Variants in TNFAIP8 observed in about 807,000 individuals in gnomAD.
TNFAIP8 encodes the protein tumor necrosis factor alpha-induced protein 8.
In TNFAIP8, 7 loss-of-function variants were observed where a neutral mutation model predicts 13.3. That is an observed-to-expected ratio of 0.52 (90% CI 0.30 to 0.99). TNFAIP8 has a LOEUF of 0.99. Among genes scored for constraint, TNFAIP8 ranks in the 50% least tolerant of loss-of-function variants. The pLI, the probability that TNFAIP8 is intolerant of heterozygous loss-of-function variation, is 0.07. For synonymous variants in TNFAIP8, 94 were observed against 87.6 expected (o/e 1.07, Z -0.41); for missense variants, 258 against 236.9 (o/e 1.09, Z -0.58).
At chr5:119,379,398 A>G (rs1166029699) in intron 1 of TNFAIP8, among the ~76,000 whole-genome samples, 2 of 152,220 alleles carry the variant, frequency 1.3e-5, no homozygotes, top group African/African-American at 4.8e-5. Context: ...AAAGCAGGTT[A>G]GGAGAGATTT....
Position 119,374,640 on chromosome 5 carries a change from G to C in TNFAIP8, c.32-18176G>C, listed in dbSNP as rs114033590. Reference sequence around the variant, plus strand: ...CTCTTTGCATCTTATACTCAAGGCTGTCTGCAAAGTGATTCAGAATGGTTT... The same window carrying C: ...CTCTTTGCATCTTATACTCAAGGCTCTCTGCAAAGTGATTCAGAATGGTTT... On this transcript the variant is annotated intron_variant, in intron 1 of 1. Transcript: ENST00000504771. Among the ~76,000 whole-genome samples the C allele has an allele frequency of 6.8e-3, 1,042 of 152,314 alleles. 16 individuals are homozygous for C. The highest frequency in any genetic ancestry group is 0.024 in the African/African-American group (984 of 41,558).
chr5:119,301,321 C>T (rs1467538005), intron 1 of TNFAIP8, among the ~76,000 whole-genome samples: 1 of 152,206 alleles, frequency 6.6e-6, no homozygotes, highest in Non-Finnish European at 1.5e-5. Flanking sequence ...TCTTACCCCT[C>T]TGTCAGTTGG....
chr5:119,304,351 G>C (rs960890050), intron 1 of TNFAIP8, among the ~76,000 whole-genome samples: 3 of 152,080 alleles, frequency 2.0e-5, no homozygotes, highest in African/African-American at 4.8e-5. Context: ...CATATTAAAG[G>C]CCTCTTTATC....
chr5:119,332,044 A>G (rs1750397473), intron 1 of TNFAIP8, among the ~76,000 whole-genome samples: 1 of 152,214 alleles, frequency 6.6e-6, no homozygotes. Flanking sequence ...AACACAAAAG[A>G]ACACAAAAAT....
At chr5:119,360,798 A>T (rs1751604715) in intron 1 of TNFAIP8, among the ~76,000 whole-genome samples, 1 of 152,200 alleles carries the variant, frequency 6.6e-6, no homozygotes, top group Non-Finnish European at 1.5e-5. Flanking sequence ...GGATTTATAA[A>T]ACGCAGATGA....
chr5:119,314,579 A>T (rs1486691444), intron 1 of TNFAIP8, among the ~76,000 whole-genome samples: 1 of 152,208 alleles, frequency 6.6e-6, no homozygotes, highest in African/African-American at 2.4e-5. Flanking sequence ...TAAGAACTTG[A>T]AACACTCACA....
intron 1 of TNFAIP8, among the ~76,000 whole-genome samples, chr5:119,360,403 G>T (rs1751586926): frequency 6.6e-6 from 1 of 152,206 alleles, no homozygotes; most frequent in Non-Finnish European, 1.5e-5. Flanking sequence ...TTCATTTAGA[G>T]AAGATTGTTC....
At position 119,341,443 on chromosome 5, in the gene TNFAIP8, A is replaced by G. The variant is rs895919938; in HGVS notation, c.2-51373A>G. Among the ~76,000 whole-genome samples the G allele has an allele frequency of 7.2e-5, 11 of 152,206 alleles. 1 individual carries two copies. The highest frequency in any genetic ancestry group is 2.6e-4 in the Admixed American group (4 of 15,284). On this transcript the variant is annotated intron_variant, in intron 1 of 1. Transcript: ENST00000274456. ...AACAAACAAAGAAACAAAAAACTAC[A>G]TGAGGTGGGTTCGGTCCCAAGGCTA...
At chr5:119,343,483 A>G (rs1750806905) in intron 1 of TNFAIP8, among the ~76,000 whole-genome samples, 1 of 152,168 alleles carries the variant, frequency 6.6e-6, no homozygotes, top group Admixed American at 6.5e-5. Flanking sequence ...GTTTCTTGTA[A>G]GGTACTTTTT....
intron 1 of TNFAIP8, among the ~76,000 whole-genome samples, chr5:119,280,401 AT>A (rs57981064): frequency 0.32 from 47,666 of 149,022 alleles, 9,332 homozygotes; most frequent in African/African-American, 0.57. Flanking sequence ...CTTCCTTTAA[AT>A]TTTTTTTTTT....
In TNFAIP8 at chr5:119,398,401, C is replaced by G. The variant is rs1753121746; in HGVS notation, c.*5020C>G. On this transcript the variant is annotated 3_prime_UTR_variant, in exon 2 of 2. Coordinates refer to ENST00000504771, the MANE Select transcript of TNFAIP8 (RefSeq NM_014350.4). Reference sequence around the variant, plus strand: ...AATTCATTCGTTTAAAACTGCCAGGCTGAGTGCGGTGGCTCATGCCTGTAA... The same window carrying G: ...AATTCATTCGTTTAAAACTGCCAGGGTGAGTGCGGTGGCTCATGCCTGTAA... The G allele has an allele frequency of 6.6e-6, 1 of 152,156 alleles. No homozygotes were observed. Among genetic ancestry groups the G allele is most frequent in the African/African-American group, 2.4e-5 (1 of 41,416 alleles). 9.4% of individuals were successfully genotyped at this position (152,156 alleles called of 1,614,324 possible). A position where few individuals can be genotyped will look rare whatever the true frequency, so the allele number is the denominator to read the frequency against.
chr5:119,332,318 G>GTT lies in TNFAIP8; in HGVS notation c.2-60498_2-60497insTT, dbSNP rs1426020423. 2.0e-4 allele frequency among the ~76,000 whole-genome samples: 31 copies of GTT among 152,214 alleles called. 1 individual carries two copies. Among genetic ancestry groups the GTT allele is most frequent in the African/African-American group, 7.5e-4 (31 of 41,538 alleles). On this transcript the variant is annotated intron_variant, in intron 1 of 1. Coordinates refer to the TNFAIP8 transcript ENST00000274456. The stretch of plus-strand genomic sequence containing the variant: ...CGTTAAATCTTAATAGCAATTCTGT[G>GTT]ACATTGATGATGTTATTCTCATCTT...
rs74914530 is a variant in TNFAIP8, at chr5:119,388,034, C to T, written c.32-4782C>T. On this transcript the variant is annotated intron_variant, in intron 1 of 1. Coordinates refer to ENST00000504771, the MANE Select transcript of TNFAIP8 (RefSeq NM_014350.4). ...CTCCTGTTTACATCTTAGTTGCTTCCCAGGACATGCCTTAGGTATCCCTCT... is the reference window on the plus strand; with the variant it reads ...CTCCTGTTTACATCTTAGTTGCTTCTCAGGACATGCCTTAGGTATCCCTCT... Among the ~76,000 whole-genome samples, 1,076 of 152,236 alleles carry T rather than the reference C, an allele frequency of 7.1e-3. 14 individuals are homozygous for T. The highest frequency in any genetic ancestry group is 0.023 in the African/African-American group (958 of 41,542).
chr5:119,278,632 G>A (rs997240035), intron 1 of TNFAIP8, among the ~76,000 whole-genome samples: 1 of 152,092 alleles, frequency 6.6e-6, no homozygotes, highest in Admixed American at 6.5e-5. Context: ...AAGGGGAGGG[G>A]CATGGTTACA....
intron 1 of TNFAIP8, among the ~76,000 whole-genome samples, chr5:119,384,734 C>G (rs1752608314): frequency 6.6e-6 from 1 of 152,158 alleles, no homozygotes; most frequent in African/African-American, 2.4e-5. Context: ...AACCATACTG[C>G]TTTATACTAA....
chr5:119,392,542 C>G (rs930453460), intron 1 of TNFAIP8, among the ~76,000 whole-genome samples: 2 of 152,094 alleles, frequency 1.3e-5, no homozygotes, highest in Non-Finnish European at 2.9e-5. Flanking sequence ...AGGTGCCCAC[C>G]ACCACGCCCA....
In TNFAIP8 at chr5:119,376,832, C is replaced by T. The variant is rs188718381; in HGVS notation, c.32-15984C>T. 5.3e-3 allele frequency among the ~76,000 whole-genome samples: 801 copies of T among 152,238 alleles called. 2 individuals carry two copies. Among genetic ancestry groups the T allele is most frequent in the Non-Finnish European group, 6.5e-3 (445 of 68,016 alleles). On this transcript the variant is annotated intron_variant, in intron 1 of 1. Transcript: ENST00000504771. ...GATATTTGGGAGGGACTGTGGGAGA[C>T]TTCACCAACTCAAGACAGGTCCCCC...
chr5:119,368,002 A>G (rs1365807383), intron 1 of TNFAIP8, among the ~76,000 whole-genome samples: 1 of 152,148 alleles, frequency 6.6e-6, no homozygotes, highest in Non-Finnish European at 1.5e-5. Context: ...TATCTCTTTC[A>G]TGTTTAGTTC....
chr5:119,301,554 G>A (rs563113405), intron 1 of TNFAIP8, among the ~76,000 whole-genome samples: 1 of 152,296 alleles, frequency 6.6e-6, no homozygotes, highest in African/African-American at 2.4e-5. Context: ...GCTCCTTCAG[G>A]CTGGAGACAT....
Sources: gnomAD v4.1 joint callset for allele counts (sites outside exome capture counted in the v4.1 genomes callset) on GRCh38, gnomAD v4.1.1 for gene constraint, MANE v1.5 for transcripts, NCBI Gene and HGNC (gene_info 2026-07-23, HGNC 2026-07-21) for gene names.